Variants in DDX6 observed in about 807,000 individuals in gnomAD.
DDX6 encodes the protein probable ATP-dependent RNA helicase DDX6.
DDX6 carries 7 observed loss-of-function variants against 60.6 expected under a neutral mutation model. The ratio of observed to expected loss-of-function variants is 0.12; its 90% confidence interval spans 0.07 to 0.22. DDX6 has a LOEUF of 0.22. Ranked by LOEUF, DDX6 falls within the 10% of genes least tolerant of loss-of-function variation. The pLI is 1.00. For missense variants in DDX6, 270 were observed against 589.9 expected (o/e 0.46, Z 5.62); for synonymous variants, 207 against 201.0 (o/e 1.03, Z -0.25).
intron 6 of DDX6, among the ~76,000 whole-genome samples, chr11:118,764,338 T>G (rs1220263065): frequency 3.7e-4 from 56 of 152,190 alleles, no homozygotes; most frequent in Admixed American, 3.7e-3. Context: ...TCAACTTTAC[T>G]CTTTAATGAC....
Position 118,751,271 on chromosome 11 carries a change from G to A in DDX6, c.*834C>T, listed in dbSNP as rs1555157246. ...TGTCTGCTATAGAGCACAAAGGCTTGTCATATGGCTCCTGCAATGATAGAC... is the reference window on the plus strand; with the variant it reads ...TGTCTGCTATAGAGCACAAAGGCTTATCATATGGCTCCTGCAATGATAGAC... On this transcript the variant is annotated 3_prime_UTR_variant, in exon 14 of 14. Coordinates refer to ENST00000534980, the MANE Select transcript of DDX6 (RefSeq NM_004397.6). 6.6e-6 allele frequency: 1 copy of A among 152,070 alleles called. No homozygotes were observed. Among genetic ancestry groups the A allele is most frequent in the East Asian group, 1.9e-4 (1 of 5,194 alleles). 9.4% of individuals were successfully genotyped at this position (152,070 alleles called of 1,614,324 possible).
chr11:118,760,951 T>C (rs948369553), intron 7 of DDX6, among the ~76,000 whole-genome samples: 5 of 151,642 alleles, frequency 3.3e-5, no homozygotes, highest in East Asian at 1.9e-4. Context: ...ACAAGACTGG[T>C]TGATATGGTG....
intron 2 of DDX6, among the ~76,000 whole-genome samples, chr11:118,783,526 G>A (rs1023326273): frequency 6.6e-6 from 1 of 152,176 alleles, no homozygotes; most frequent in Non-Finnish European, 1.5e-5. Flanking sequence ...TCATAGGCCA[G>A]GTGCAGTGGC....
At chr11:118,786,543 T>C (rs1862080202) in intron 1 of DDX6, 25 bp from the exon 2 acceptor site, 2 of 261,646 alleles carry the variant, frequency 7.6e-6, no homozygotes, top group African/African-American at 4.4e-5. Flanking sequence ...CAAAATTAAA[T>C]TAGCAAACAC....
At chr11:118,781,740 C>T (rs1411553494) in intron 2 of DDX6, among the ~76,000 whole-genome samples, 1 of 151,992 alleles carries the variant, frequency 6.6e-6, no homozygotes, top group Non-Finnish European at 1.5e-5. Flanking sequence ...CCAGCCTGGC[C>T]AATATGGTGA....
At chr11:118,775,338 G>C (rs576715432) in intron 4 of DDX6, among the ~76,000 whole-genome samples, 16 of 152,072 alleles carry the variant, frequency 1.1e-4, no homozygotes, top group Non-Finnish European at 1.5e-4. Flanking sequence ...ATTTACTCAT[G>C]TAACCAAACA....
intron 6 of DDX6, among the ~76,000 whole-genome samples, chr11:118,763,599 C>T (rs1251474673): frequency 1.3e-5 from 2 of 151,890 alleles, no homozygotes; most frequent in Non-Finnish European, 2.9e-5. Context: ...TTTGGGAGGC[C>T]GAGGTGGGTG....
chr11:118,771,846 G>GA (rs782144561), intron 4 of DDX6, among the ~76,000 whole-genome samples: 4 of 152,332 alleles, frequency 2.6e-5, no homozygotes, highest in Non-Finnish European at 5.9e-5. Flanking sequence ...CTGCTAGTGG[G>GA]AATGTACAGC....
intron 4 of DDX6, among the ~76,000 whole-genome samples, chr11:118,779,156 CAAAAAA>C (rs5795140): frequency 1.6e-5 from 2 of 125,900 alleles, no homozygotes; most frequent in Admixed American, 8.4e-5. Context: ...ACCCAGTTGC[CAAAAAA>C]AAAAAAAAAA....
chr11:118,791,430 G>A (rs1001383566), upstream of DDX6: 1 of 152,204 alleles, frequency 6.6e-6, no homozygotes, highest in Non-Finnish European at 1.5e-5. Flanking sequence ...CCTTTCTGAA[G>A]GGACAGGACG....
At chr11:118,756,488 G>T (rs1305920387) in intron 10 of DDX6, among the ~76,000 whole-genome samples, 165 bp from the exon 11 acceptor site, 1 of 152,078 alleles carries the variant, frequency 6.6e-6, no homozygotes, top group Non-Finnish European at 1.5e-5. Flanking sequence ...TGATATCTTC[G>T]TCTACAGAAA....
intron 4 of DDX6, among the ~76,000 whole-genome samples, chr11:118,770,101 A>G (rs1409182953): frequency 6.6e-6 from 1 of 151,402 alleles, no homozygotes; most frequent in Non-Finnish European, 1.5e-5. Context: ...ATCTTGGCTC[A>G]CTGCAACTTT....
At chr11:118,757,133 T>G (rs1338029621) in intron 10 of DDX6, 38 bp downstream of exon 10, 11 of 1,028,660 alleles carry the variant, frequency 1.1e-5, no homozygotes, top group South Asian at 3.6e-5. Flanking sequence ...GAAAGAGATT[T>G]CTTATTAAAT....
Position 118,748,833 on chromosome 11 carries a change from TGTC to T in DDX6, c.*3269_*3271del, listed in dbSNP as rs1555156471. 1.3e-5 allele frequency: 2 copies of T among 152,024 alleles called. No homozygotes were observed. Among genetic ancestry groups the T allele is most frequent in the South Asian group, 2.1e-4 (1 of 4,820 alleles). 9.4% of individuals were successfully genotyped at this position (152,024 alleles called of 1,614,324 possible). On this transcript the variant is annotated 3_prime_UTR_variant, in exon 14 of 14. Coordinates refer to ENST00000534980, the MANE Select transcript of DDX6 (RefSeq NM_004397.6). ...TTATACTCAAGGCTTTGTGCTGAGT[TGTC>T]GTTTGAACCAAGCATGATGTTATCA...
intron 4 of DDX6, among the ~76,000 whole-genome samples, chr11:118,777,135 A>G (rs1555163739): frequency 1.3e-5 from 2 of 152,124 alleles, no homozygotes; most frequent in Non-Finnish European, 2.9e-5. Context: ...ACAGTGAATT[A>G]CCTGTACAAT....
intron 9 of DDX6, among the ~76,000 whole-genome samples, chr11:118,757,944 C>G (rs563516598): frequency 1.6e-4 from 24 of 152,148 alleles, no homozygotes; most frequent in Non-Finnish European, 3.4e-4. Context: ...TTGGGCAGCA[C>G]TTCAGCACCA....
Position 118,763,229 on chromosome 11 carries a change from T to C in DDX6, c.724A>G (p.Met242Val), listed in dbSNP as rs781815721. 5 of 1,607,262 alleles carry C rather than the reference T, an allele frequency of 3.1e-6. No individual in the cohort carries two copies. The highest frequency in any genetic ancestry group is 2.2e-5 in the East Asian group (1 of 44,786). ...GACATTACCTCATCCAATACTATCA[T>C]CTGGACATGATCAACCTTTGCTACT... Reference protein sequence around the residue: ...KGVAKVDHVQMIVLDEADKLL... With the variant: ...KGVAKVDHVQVIVLDEADKLL... The change falls in exon 7 of 14, where the codon ATG (methionine) becomes GTG (valine). Residue 242 changes from methionine to valine, a missense_variant. Met to Val is a conservative substitution (Grantham distance 21). Coordinates refer to ENST00000534980, the MANE Select transcript of DDX6 (RefSeq NM_004397.6).
At chr11:118,762,910 A>G (rs1392780271) in intron 7 of DDX6, among the ~76,000 whole-genome samples, 3 of 152,240 alleles carry the variant, frequency 2.0e-5, no homozygotes, top group African/African-American at 7.2e-5. Context: ...TTAAAAATTA[A>G]TCACAGAGCA....
intron 5 of DDX6, among the ~76,000 whole-genome samples, chr11:118,766,999 C>T (rs1199415880): frequency 2.6e-5 from 4 of 151,986 alleles, no homozygotes; most frequent in African/African-American, 9.7e-5. Context: ...AATTCTCCTG[C>T]CTCAGCCTCC....
Sources: gnomAD v4.1 joint callset for allele counts (sites outside exome capture counted in the v4.1 genomes callset) on GRCh38, gnomAD v4.1.1 for gene constraint, MANE v1.5 for transcripts, NCBI Gene and HGNC (gene_info 2026-07-23, HGNC 2026-07-21) for gene names.